SLC24A2: variants seen among roughly 807,000 people sequenced by gnomAD.
The protein encoded by SLC24A2 is sodium/potassium/calcium exchanger 2.
A neutral mutation model predicts 62.0 loss-of-function variants in SLC24A2; 36 were observed. The observed-to-expected ratio is 0.58, with a 90% CI of 0.44 to 0.77. The LOEUF (loss-of-function observed/expected upper bound fraction) is 0.77. SLC24A2 is among the 30% of genes least tolerant of loss of function. The probability of loss-of-function intolerance (pLI) is 0.00; values close to 1 mark genes in which losing one functional copy is unlikely to be tolerated. For missense variants in SLC24A2, 846 were observed against 817.9 expected (o/e 1.03, Z -0.42); for synonymous variants, 358 against 294.0 (o/e 1.22, Z -2.23).
the SLC24A2 span, among the ~76,000 whole-genome samples, chr9:20,245,320 G>A: frequency 1.3e-5 from 2 of 152,222 alleles, no homozygotes; most frequent in East Asian, 3.8e-4. Flanking sequence ...ACAGAACTGT[G>A]ACTGTATCAA....
chr9:20,232,450 T>C, the SLC24A2 span, among the ~76,000 whole-genome samples: 29 of 152,368 alleles, frequency 1.9e-4, no homozygotes, highest in Middle Eastern at 6.8e-3. Flanking sequence ...AACTTCTTCC[T>C]GGTTTAGTCT....
chr9:20,252,821 C>T, the SLC24A2 span, among the ~76,000 whole-genome samples: 2 of 152,218 alleles, frequency 1.3e-5, no homozygotes, highest in Non-Finnish European at 2.9e-5. Context: ...TCCAAATTTT[C>T]ATACTCTAGG....
intron 2 of SLC24A2, among the ~76,000 whole-genome samples, chr9:19,687,931 T>C (rs1307396802): frequency 6.6e-6 from 1 of 152,090 alleles, no homozygotes; most frequent in African/African-American, 2.4e-5. Context: ...CTTTGCCCCA[T>C]GTGTGTCTTC....
the SLC24A2 span, among the ~76,000 whole-genome samples, chr9:20,240,609 C>G: frequency 2.0e-5 from 3 of 152,250 alleles, no homozygotes; most frequent in South Asian, 2.1e-4. Context: ...TTTTTGAACT[C>G]TAAGATTGGC....
At chr9:19,870,132 A>G in the SLC24A2 span, among the ~76,000 whole-genome samples, 1 of 152,120 alleles carries the variant, frequency 6.6e-6, no homozygotes, top group African/African-American at 2.4e-5. Context: ...GTTTTAGAAC[A>G]TTTCACCATC....
chr9:20,274,927 A>G, the SLC24A2 span, among the ~76,000 whole-genome samples: 1 of 152,020 alleles, frequency 6.6e-6, no homozygotes, highest in East Asian at 1.9e-4. Context: ...GGAAGAGGTG[A>G]CCCTTAGTGG....
chr9:20,051,419 C>T, the SLC24A2 span, among the ~76,000 whole-genome samples: 1 of 151,858 alleles, frequency 6.6e-6, no homozygotes, highest in Non-Finnish European at 1.5e-5. Flanking sequence ...TTATATATCT[C>T]AGTATTTGAT....
chr9:19,829,213 C>T, the SLC24A2 span, among the ~76,000 whole-genome samples: 1 of 152,266 alleles, frequency 6.6e-6, no homozygotes, highest in African/African-American at 2.4e-5. Flanking sequence ...CTTGCTACCT[C>T]TGCCCTCTCT....
At chr9:20,182,243 CAGAACT>C in the SLC24A2 span, among the ~76,000 whole-genome samples, 3 of 151,998 alleles carry the variant, frequency 2.0e-5, no homozygotes, top group African/African-American at 7.3e-5. Flanking sequence ...CTCAAGGATC[CAGAACT>C]AGAAATACCA....
At chr9:19,858,080 TATC>T in the SLC24A2 span, among the ~76,000 whole-genome samples, 1 of 152,144 alleles carries the variant, frequency 6.6e-6, no homozygotes, top group African/African-American at 2.4e-5. Context: ...AAGCTGGAGA[TATC>T]ATGTTACCTC....
At chr9:19,727,520 C>T (rs1001232840) in intron 2 of SLC24A2, among the ~76,000 whole-genome samples, 10 of 152,096 alleles carry the variant, frequency 6.6e-5, no homozygotes, top group African/African-American at 1.2e-4. Flanking sequence ...TCCAAGCAGG[C>T]AGGGATTTTG....
the SLC24A2 span, among the ~76,000 whole-genome samples, chr9:19,876,308 A>C: frequency 6.6e-6 from 1 of 152,166 alleles, no homozygotes; most frequent in Admixed American, 6.5e-5. Context: ...ACATTTACTT[A>C]GAATGAGATA....
chr9:19,938,921 CAAAG>C, the SLC24A2 span, among the ~76,000 whole-genome samples: 8 of 143,468 alleles, frequency 5.6e-5, no homozygotes, highest in African/African-American at 1.8e-4. Flanking sequence ...AAACAAAAAA[CAAAG>C]AAATCAACAA....
chr9:20,296,076 G>C, the SLC24A2 span, among the ~76,000 whole-genome samples: 1 of 152,114 alleles, frequency 6.6e-6, no homozygotes, highest in Non-Finnish European at 1.5e-5. Context: ...CTACTTAATG[G>C]TGAAAGATAA....
At chr9:19,519,927 C>G (rs77497822) in intron 10 of SLC24A2, among the ~76,000 whole-genome samples, 2,427 of 152,266 alleles carry the variant, frequency 0.016, 69 homozygotes, top group African/African-American at 0.056. Flanking sequence ...TCAAATCCTA[C>G]CTACCTCATT....
chr9:19,550,247 G>T lies in SLC24A2; in HGVS notation c.1369C>A (p.Gln457Lys), dbSNP rs1455624570. 6.2e-7 allele frequency: 1 copy of T among 1,613,964 alleles called. No homozygotes were observed. The highest frequency in any genetic ancestry group is 8.5e-7 in the Non-Finnish European group (1 of 1,180,008). ...GAAGGCCAGGCAAGGCTGAGAGGCT[G>T]GTCCTCCTCCTCATCAGCGGTCTGT... is the stretch of plus-strand genomic sequence containing the variant. ...EAQTADEEED[Q>K]PLSLAWPSET... The change falls in exon 8 of 11, where the codon CAG (glutamine) becomes AAG (lysine). Residue 457 changes from glutamine (Q) to lysine (K), a missense_variant. Gln to Lys is a moderately conservative substitution (Grantham distance 53). Coordinates refer to ENST00000341998, the MANE Select transcript of SLC24A2 (RefSeq NM_020344.4).
At chr9:20,104,755 G>A in the SLC24A2 span, among the ~76,000 whole-genome samples, 2 of 152,192 alleles carry the variant, frequency 1.3e-5, no homozygotes, top group Non-Finnish European at 2.9e-5. Flanking sequence ...ATGCCAAATT[G>A]TAAAGACCAT....
chr9:20,029,118 G>A, the SLC24A2 span, among the ~76,000 whole-genome samples: 4 of 152,122 alleles, frequency 2.6e-5, no homozygotes, highest in Admixed American at 1.3e-4. Flanking sequence ...GGCTTGAGGT[G>A]CAACTGTGAC....
chr9:20,104,044 T>C, the SLC24A2 span, among the ~76,000 whole-genome samples: 34 of 152,142 alleles, frequency 2.2e-4, 1 homozygote, highest in South Asian at 6.4e-3. Flanking sequence ...AAGAACTACA[T>C]GAAGAATGCA....
Sources: gnomAD v4.1 joint callset for allele counts (sites outside exome capture counted in the v4.1 genomes callset) on GRCh38, gnomAD v4.1.1 for gene constraint, MANE v1.5 for transcripts, NCBI Gene and HGNC (gene_info 2026-07-23, HGNC 2026-07-21) for gene names.